The following ZNF365 variants were observed in gnomAD, a reference collection of about 807,000 sequenced individuals.
ZNF365 encodes protein ZNF365.
A neutral mutation model predicts 35.0 loss-of-function variants in ZNF365; 22 were observed. That is an observed-to-expected ratio of 0.63 (90% CI 0.45 to 0.90). The LOEUF (loss-of-function observed/expected upper bound fraction) is 0.90. Ranked by LOEUF, ZNF365 falls within the 40% of genes least tolerant of loss-of-function variation. ZNF365 has a pLI of 0.00. For synonymous variants in ZNF365, 188 were observed against 196.2 expected (o/e 0.96, Z 0.35); for missense variants, 448 against 500.3 (o/e 0.90, Z 1.00).
chr10:62,396,430 A>AGGAG (rs1839729323), intron 3 of ZNF365, among the ~76,000 whole-genome samples: 2 of 152,094 alleles, frequency 1.3e-5, no homozygotes, highest in Non-Finnish European at 2.9e-5. Flanking sequence ...CTTACCTCCT[A>AGGAG]GGGCTGCTGT....
chr10:62,479,815 G>A, intron 4 of ZNF365: 1 of 1,170,528 alleles, frequency 8.5e-7, no homozygotes, highest in Non-Finnish European at 1.3e-6. Flanking sequence ...TTTGACTATT[G>A]TTGCTGGCAC....
chr10:62,447,053 G>A (rs879641707), intron 3 of ZNF365, among the ~76,000 whole-genome samples: 1 of 152,170 alleles, frequency 6.6e-6, no homozygotes, highest in Non-Finnish European at 1.5e-5. Context: ...GAATTTTGTA[G>A]GCAAGGGTGT....
At position 62,378,016 on chromosome 10, in the gene ZNF365, G is replaced by A. The variant is rs189820885; in HGVS notation, c.743+1080G>A. On this transcript the variant is annotated intron_variant, in intron 2 of 4. Coordinates refer to ENST00000395254, the MANE Select transcript of ZNF365 (RefSeq NM_014951.3). ...TACTTGCTATCACTTAAATGCTTAC[G>A]TTCTACCTTGAGGGGAAGCCTAGAC... Among the ~76,000 whole-genome samples, 413 of 152,248 alleles carry A rather than the reference G, an allele frequency of 2.7e-3. 2 individuals carry two copies. The highest frequency in any genetic ancestry group is 8.9e-3 in the African/African-American group (370 of 41,530).
rs184346414 is a variant in ZNF365, at chr10:62,469,179, G to T, written c.981+9382G>T. 1.1e-4 allele frequency among the ~76,000 whole-genome samples: 16 copies of T among 152,318 alleles called. No individual in the cohort carries two copies. The East Asian group carries it at 3.1e-3, about 29-fold the overall frequency. On this transcript the variant is annotated intron_variant, in intron 4 of 4. Coordinates refer to the ZNF365 transcript ENST00000395255. ...TGATAACATCTGCCTATTATAGACTGTTTTGAGCACTTTAGTCAAACAAGG... is the reference window on the plus strand; with the variant it reads ...TGATAACATCTGCCTATTATAGACTTTTTTGAGCACTTTAGTCAAACAAGG...
At chr10:62,459,659 C>A in intron 3 of ZNF365, 2 of 1,427,590 alleles carry the variant, frequency 1.4e-6, no homozygotes, top group Non-Finnish European at 9.7e-7. Flanking sequence ...TGGAACATGG[C>A]ACTGCTTGTA....
intron 4 of ZNF365, among the ~76,000 whole-genome samples, chr10:62,462,380 T>C (rs1381640838): frequency 6.6e-6 from 1 of 152,234 alleles, no homozygotes; most frequent in Non-Finnish European, 1.5e-5. Context: ...CTGTTGCTCC[T>C]GTGAGCTGTG....
At chr10:62,380,367 C>T (rs1171880823) in intron 2 of ZNF365, among the ~76,000 whole-genome samples, 1 of 152,164 alleles carries the variant, frequency 6.6e-6, no homozygotes, top group Non-Finnish European at 1.5e-5. Flanking sequence ...TTATGATTAT[C>T]TTAATAACAT....
At chr10:62,383,657 C>T (rs1028625699) in intron 2 of ZNF365, among the ~76,000 whole-genome samples, 9 of 152,230 alleles carry the variant, frequency 5.9e-5, no homozygotes, top group Admixed American at 3.3e-4. Context: ...AGTGCGTGAA[C>T]GCATATTTCC....
chr10:62,440,297 G>T (rs1840477686), intron 3 of ZNF365, among the ~76,000 whole-genome samples: 1 of 113,760 alleles, frequency 8.8e-6, no homozygotes, highest in Admixed American at 1.1e-4. Flanking sequence ...AGGTAAACTT[G>T]TGTTACTGGG....
intron 3 of ZNF365, among the ~76,000 whole-genome samples, chr10:62,448,724 T>A (rs1030376814): frequency 6.6e-6 from 1 of 152,304 alleles, no homozygotes; most frequent in South Asian, 2.1e-4. Context: ...TCTGGTAAGA[T>A]GAAAGCATTG....
intron 3 of ZNF365, among the ~76,000 whole-genome samples, chr10:62,393,623 T>C (rs1320228641): frequency 6.6e-6 from 1 of 152,218 alleles, no homozygotes; most frequent in African/African-American, 2.4e-5. Flanking sequence ...TATACACACA[T>C]AAATACATGC....
intron 3 of ZNF365, among the ~76,000 whole-genome samples, chr10:62,438,407 C>A (rs1840441775): frequency 6.6e-6 from 1 of 151,986 alleles, no homozygotes; most frequent in Non-Finnish European, 1.5e-5. Context: ...AGGCTGGTCT[C>A]AAACTCCTGG....
intron 3 of ZNF365, among the ~76,000 whole-genome samples, chr10:62,416,665 C>T (rs553231222): frequency 6.6e-6 from 1 of 152,164 alleles, no homozygotes; most frequent in African/African-American, 2.4e-5. Context: ...TTGAGCCTCC[C>T]TTTTCAGAAA....
At chr10:62,375,037 T>G (rs1839294755) in intron 1 of ZNF365, among the ~76,000 whole-genome samples, 3 of 152,200 alleles carry the variant, frequency 2.0e-5, no homozygotes, top group African/African-American at 7.2e-5. Flanking sequence ...GGGGACCATT[T>G]GCACCTCTGC....
At chr10:62,406,903 G>A (rs990171357), downstream of ZNF365, among the ~76,000 whole-genome samples, 5 of 152,120 alleles carry the variant, frequency 3.3e-5, no homozygotes, top group African/African-American at 1.2e-4. Context: ...CCTAGCACTG[G>A]GCCTGCCGCT....
chr10:62,402,959 G>T (rs1839853861), downstream of ZNF365, among the ~76,000 whole-genome samples: 1 of 152,184 alleles, frequency 6.6e-6, no homozygotes, highest in Non-Finnish European at 1.5e-5. Flanking sequence ...GGAGCTGTGA[G>T]AGTTATTCAG....
intron 4 of ZNF365, among the ~76,000 whole-genome samples, chr10:62,473,754 A>T (rs750557314): frequency 6.6e-6 from 1 of 152,172 alleles, no homozygotes; most frequent in Non-Finnish European, 1.5e-5. Context: ...TATCGATTAG[A>T]ATGCTTTTCT....
intron 3 of ZNF365, among the ~76,000 whole-genome samples, chr10:62,453,331 A>G (rs1467090834): frequency 2.0e-5 from 3 of 152,116 alleles, no homozygotes; most frequent in Admixed American, 6.5e-5. Flanking sequence ...TCCCCACTCA[A>G]TGTCCACGTG....
chr10:62,478,314 C>A (rs1053043987), intron 4 of ZNF365, among the ~76,000 whole-genome samples: 1 of 152,156 alleles, frequency 6.6e-6, no homozygotes, highest in Non-Finnish European at 1.5e-5. Flanking sequence ...ATTCTGAAAT[C>A]CCCCTAGGAG....
Sources: gnomAD v4.1 joint callset for allele counts (sites outside exome capture counted in the v4.1 genomes callset) on GRCh38, gnomAD v4.1.1 for gene constraint, MANE v1.5 for transcripts, NCBI Gene and HGNC (gene_info 2026-07-23, HGNC 2026-07-21) for gene names.